RAB38: variants seen among roughly 807,000 people sequenced by gnomAD.
RAB38 encodes ras-related protein Rab-38.
In RAB38, 15 loss-of-function variants were observed where a neutral mutation model predicts 18.4. The observed-to-expected ratio is 0.82, with a 90% CI of 0.55 to 1.26. The LOEUF (loss-of-function observed/expected upper bound fraction) is 1.26, where lower values mean the gene tolerates loss of function less well. RAB38 is among the 50% of genes most tolerant of loss of function. The pLI, the probability that RAB38 is intolerant of heterozygous loss-of-function variation, is 0.00. For synonymous variants in RAB38, 101 were observed against 104.4 expected (o/e 0.97, Z 0.20); for missense variants, 294 against 267.4 (o/e 1.10, Z -0.69).
At chr11:87,854,822 T>A in the RAB38 span, among the ~76,000 whole-genome samples, 7,507 of 152,160 alleles carry the variant, frequency 0.049, 241 homozygotes, top group African/African-American at 0.096. Context: ...TGAGATGGAG[T>A]CTGGCTCTGT....
chr11:88,038,783 C>T, the RAB38 span, among the ~76,000 whole-genome samples: 2 of 152,146 alleles, frequency 1.3e-5, no homozygotes, highest in African/African-American at 4.8e-5. Flanking sequence ...TCATTTCTTG[C>T]TTAAATGGCT....
chr11:87,934,348 T>G, the RAB38 span, among the ~76,000 whole-genome samples: 1 of 152,232 alleles, frequency 6.6e-6, no homozygotes, highest in African/African-American at 2.4e-5. Flanking sequence ...GGTATGATAA[T>G]TATACATTTT....
At chr11:88,128,209 T>G (rs1166775923) in intron 2 of RAB38, among the ~76,000 whole-genome samples, 5 of 152,174 alleles carry the variant, frequency 3.3e-5, no homozygotes, top group Admixed American at 3.3e-4. Context: ...GTCCTCTTTC[T>G]GGCATCCGTT....
At chr11:88,065,022 A>T in the RAB38 span, among the ~76,000 whole-genome samples, 8 of 152,162 alleles carry the variant, frequency 5.3e-5, no homozygotes, top group Non-Finnish European at 8.8e-5. Context: ...TCAGAGCCCC[A>T]TGATTCTTGA....
chr11:87,877,841 A>T, the RAB38 span, among the ~76,000 whole-genome samples: 1 of 151,464 alleles, frequency 6.6e-6, no homozygotes, highest in Non-Finnish European at 1.5e-5. Flanking sequence ...TAGCCATCAA[A>T]TCAATCCCTC....
At chr11:88,059,735 C>G in the RAB38 span, among the ~76,000 whole-genome samples, 1 of 152,176 alleles carries the variant, frequency 6.6e-6, no homozygotes, top group Non-Finnish European at 1.5e-5. Context: ...GCAGGCTCTC[C>G]TGGAGCTCCC....
the RAB38 span, chr11:88,062,251 G>A: frequency 4.0e-5 from 6 of 151,786 alleles, no homozygotes; most frequent in African/African-American, 1.5e-4. Context: ...TCATGATAGC[G>A]AGTTCTCACC....
At chr11:88,116,350 C>T (rs1206336553) in intron 2 of RAB38, among the ~76,000 whole-genome samples, 1 of 152,178 alleles carries the variant, frequency 6.6e-6, no homozygotes, top group Non-Finnish European at 1.5e-5. Flanking sequence ...ATGGTTTTAA[C>T]GTACTTGCCT....
the RAB38 span, among the ~76,000 whole-genome samples, chr11:87,847,627 G>C: frequency 6.6e-6 from 1 of 152,074 alleles, no homozygotes; most frequent in Non-Finnish European, 1.5e-5. Flanking sequence ...TGTGTGGAGT[G>C]AGTAGGGGTG....
the RAB38 span, among the ~76,000 whole-genome samples, chr11:87,804,572 A>G: frequency 6.8e-6 from 1 of 147,682 alleles, no homozygotes; most frequent in Non-Finnish European, 1.5e-5. Context: ...TTCCACTCAG[A>G]TTTTTTTTTT....
the RAB38 span, among the ~76,000 whole-genome samples, chr11:87,970,697 C>T: frequency 2.0e-5 from 3 of 152,014 alleles, no homozygotes; most frequent in Non-Finnish European, 2.9e-5. Context: ...GAGAAGGGCG[C>T]TAGGGTGAAG....
the RAB38 span, chr11:88,098,233 G>A: frequency 6.6e-6 from 1 of 151,978 alleles, no homozygotes; most frequent in African/African-American, 2.4e-5. Context: ...AGCCTGCTAT[G>A]AACGAGGTGG....
At chr11:87,886,585 T>G in the RAB38 span, among the ~76,000 whole-genome samples, 1 of 151,978 alleles carries the variant, frequency 6.6e-6, no homozygotes, top group Non-Finnish European at 1.5e-5. Flanking sequence ...TCAAGTATCC[T>G]GATTCTACCC....
intron 2 of RAB38, among the ~76,000 whole-genome samples, chr11:88,146,395 T>C (rs78655741): frequency 0.025 from 3,862 of 152,286 alleles, 169 homozygotes; most frequent in African/African-American, 0.087. Context: ...AATCAGGTAT[T>C]TATCACCAGA....
chr11:88,053,035 A>C, the RAB38 span, among the ~76,000 whole-genome samples: 70 of 44,864 alleles, frequency 1.6e-3, 2 homozygotes, highest in Non-Finnish European at 3.5e-3. Context: ...GAATATATAT[A>C]ATATATACAT....
chr11:87,811,485 C>T, the RAB38 span, among the ~76,000 whole-genome samples: 3 of 152,270 alleles, frequency 2.0e-5, no homozygotes, highest in Admixed American at 1.3e-4. Flanking sequence ...CCTCTTCAGG[C>T]CTGATTTCCA....
the RAB38 span, among the ~76,000 whole-genome samples, chr11:87,827,290 A>T: frequency 0.56 from 84,880 of 150,748 alleles, 25,404 homozygotes; most frequent in South Asian, 0.72. Context: ...TTTTATTTTT[A>T]TTATTTTTTT....
chr11:88,094,015 A>C, the RAB38 span, among the ~76,000 whole-genome samples: 1 of 152,036 alleles, frequency 6.6e-6, no homozygotes, highest in South Asian at 2.1e-4. Flanking sequence ...AGTGGGTCAC[A>C]GAGGACACAG....
intron 2 of RAB38, among the ~76,000 whole-genome samples, chr11:88,141,694 GCTCT>G (rs955199919): frequency 6.6e-6 from 1 of 151,220 alleles, no homozygotes; most frequent in African/African-American, 2.4e-5. Flanking sequence ...GCAAAGCTTT[GCTCT>G]CTGTTTCCCC....
Sources: allele counts gnomAD v4.1 joint callset (sites outside exome capture counted in the v4.1 genomes callset), GRCh38; gene constraint gnomAD v4.1.1; transcripts MANE v1.5; gene names NCBI Gene and HGNC (gene_info 2026-07-23, HGNC 2026-07-21).